Variants in MMS22L observed in about 807,000 individuals in gnomAD.
The protein encoded by MMS22L is MMS22 like, DNA repair protein.
Under a neutral mutation model 159.1 loss-of-function variants are expected in MMS22L, and 74 were observed. The observed-to-expected ratio is 0.47, with a 90% confidence interval of 0.39 to 0.56. The LOEUF is 0.56. MMS22L is among the 20% of genes least tolerant of loss of function. MMS22L has a pLI of 0.00. For synonymous variants in MMS22L, 517 were observed against 506.9 expected, an observed-to-expected ratio of 1.02 and a Z score of -0.27; for missense variants, 1,351 against 1,422.1, an observed-to-expected ratio of 0.95 and a Z score of 0.80.
chr6:97,214,804 T>G (rs1808809794), intron 14 of MMS22L, among the ~76,000 whole-genome samples: 1 of 151,336 alleles, frequency 6.6e-6, no homozygotes, highest in Non-Finnish European at 1.5e-5. Context: ...ATTTTTTACT[T>G]TATATTTTTA....
In MMS22L at chr6:97,162,180, A is replaced by T. The variant is rs756701791; in HGVS notation, c.3222-15T>A. ...GGTAGGATTTCCTGAAAAGAAGCAA[A>T]ATTTGTTTATTCTCTGCTTAAAGCT... On this transcript the variant is annotated splice_polypyrimidine_tract_variant and intron_variant, in intron 21 of 24. Coordinates refer to ENST00000683635, the MANE Select transcript of MMS22L (RefSeq NM_001350599.2). 1 of 1,583,614 alleles carries T rather than the reference A, an allele frequency of 6.3e-7. No individual in the cohort carries two copies. The highest frequency in any genetic ancestry group is 8.5e-7 in the Non-Finnish European group (1 of 1,170,588).
At position 97,233,741 on chromosome 6, in the gene MMS22L, G is replaced by GA. The variant is rs545379585; in HGVS notation, c.1302+119dup. 4.9e-4 allele frequency: 544 copies of GA among 1,112,250 alleles called. 3 individuals carry two copies. The Middle Eastern group carries it at 6.3e-3, about 13-fold the overall frequency. The allele number at this position is 1,112,250 out of a possible 1,614,324, so 68.9% of individuals were successfully genotyped here. On this transcript the variant is annotated intron_variant, in intron 12 of 24. Coordinates refer to ENST00000683635, the MANE Select transcript of MMS22L (RefSeq NM_001350599.2). The stretch of plus-strand genomic sequence containing the variant: ...TTCACGAGCTACTCCAATCTACTCT[G>GA]AAAAAAATTAACTTTTTAAGAAAAA...
At chr6:97,198,969 T>A (rs1290043484) in intron 14 of MMS22L, among the ~76,000 whole-genome samples, 1 of 152,096 alleles carries the variant, frequency 6.6e-6, no homozygotes, top group Non-Finnish European at 1.5e-5. Flanking sequence ...TAAGGTATTA[T>A]GTTTATGAAC....
chr6:97,228,973 T>G lies in MMS22L; in HGVS notation c.1960A>C (p.Ser654Arg). The G allele has an allele frequency of 6.2e-7, 1 of 1,614,150 alleles. No homozygotes were observed. Among genetic ancestry groups the G allele is most frequent in the South Asian group, 1.1e-5 (1 of 91,080 alleles). ...SHEKLLNDGF[S>R]MLLRACRESE... ...TCTCGACATGCTCGCAGAAGCATAC[T>G]AAATCCATCATTAAGCAGTTTTTCA... is the stretch of plus-strand genomic sequence containing the variant. The change falls in exon 14 of 25, where the codon AGT becomes CGT. Residue 654 changes from serine to arginine, a missense_variant. Coordinates refer to ENST00000683635, the MANE Select transcript of MMS22L (RefSeq NM_001350599.2).
rs971728462 is a variant in MMS22L at position 97,189,592 on chromosome 6, A to T, written c.2040-2902T>A. Among the ~76,000 whole-genome samples the T allele has an allele frequency of 1.6e-4, 22 of 140,944 alleles. No individual in the cohort carries two copies. The East Asian group carries it at 1.6e-3, about 10-fold the overall frequency. 92.5% of individuals were successfully genotyped at this position (140,944 alleles called of 152,430 possible). The stretch of plus-strand genomic sequence containing the variant: ...AAAAAAAAAAAAAGAATAATTAATT[A>T]AAAAAAAAAAACCATTGTGAGGTAA... On this transcript the variant is annotated intron_variant, in intron 14 of 24. Transcript: ENST00000683635.
intron 7 of MMS22L, 109 bp from the exon 8 acceptor site, chr6:97,268,111 AT>A (rs951897220): frequency 5.9e-4 from 454 of 766,718 alleles, no homozygotes; most frequent in South Asian, 9.2e-4. Flanking sequence ...ACAGTTTTTA[AT>A]TTTTTTTTGC....
intron 9 of MMS22L, among the ~76,000 whole-genome samples, chr6:97,256,787 CAA>C (rs964991350): frequency 2.0e-5 from 3 of 151,944 alleles, no homozygotes; most frequent in Non-Finnish European, 4.4e-5. Flanking sequence ...CCTGTCTCTA[CAA>C]AAAATAAATT....
chr6:97,151,997 C>A, intron 22 of MMS22L, 130 bp from the exon 23 acceptor site: 2 of 604,738 alleles, frequency 3.3e-6, no homozygotes, highest in Non-Finnish European at 5.6e-6. Flanking sequence ...TTCTATTTTT[C>A]AAAATGAAAT....
intron 15 of MMS22L, 145 bp from the exon 16 acceptor site, chr6:97,182,199 C>A: frequency 1.5e-6 from 1 of 653,040 alleles, no homozygotes; most frequent in Non-Finnish European, 2.5e-6. Flanking sequence ...GTAGAGCAAA[C>A]AAAAAGCTAA....
chr6:97,213,035 AG>A (rs1562464921), intron 14 of MMS22L, among the ~76,000 whole-genome samples: 3 of 152,136 alleles, frequency 2.0e-5, no homozygotes, highest in African/African-American at 7.2e-5. Flanking sequence ...ACAGTGCATG[AG>A]CACATTGTGT....
At chr6:97,150,905 G>A (rs1801255152) in intron 23 of MMS22L, among the ~76,000 whole-genome samples, 1 of 152,108 alleles carries the variant, frequency 6.6e-6, no homozygotes, top group South Asian at 2.1e-4. Context: ...ACTCTAAAGG[G>A]AACAAGACAG....
At chr6:97,151,149 C>T (rs540183248) in intron 23 of MMS22L, among the ~76,000 whole-genome samples, 1 of 152,288 alleles carries the variant, frequency 6.6e-6, no homozygotes, top group East Asian at 1.9e-4. Flanking sequence ...ACATTTCCCA[C>T]TTTACTCTCT....
chr6:97,189,520 T>G (rs1805627360), intron 14 of MMS22L, among the ~76,000 whole-genome samples: 1 of 118,720 alleles, frequency 8.4e-6, no homozygotes, highest in Non-Finnish European at 1.6e-5. Flanking sequence ...ACCACTGCAC[T>G]CCAGCCTGGG....
intron 22 of MMS22L, among the ~76,000 whole-genome samples, chr6:97,157,261 C>T (rs1382484768): frequency 6.6e-6 from 1 of 152,166 alleles, no homozygotes; most frequent in Non-Finnish European, 1.5e-5. Flanking sequence ...ATGTCATCTG[C>T]AAACAAAGAC....
chr6:97,236,479 T>C (rs1811424745), intron 11 of MMS22L, among the ~76,000 whole-genome samples: 1 of 152,144 alleles, frequency 6.6e-6, no homozygotes, highest in South Asian at 2.1e-4. Flanking sequence ...TGATTTTCTC[T>C]CACAATATTC....
intron 3 of MMS22L, among the ~76,000 whole-genome samples, chr6:97,280,279 T>C (rs1198634827): frequency 1.3e-5 from 2 of 152,164 alleles, no homozygotes; most frequent in Non-Finnish European, 2.9e-5. Context: ...TTACCTAAAA[T>C]CTGAATATGA....
intron 14 of MMS22L, among the ~76,000 whole-genome samples, chr6:97,193,588 A>G (rs1211946095): frequency 6.6e-6 from 1 of 152,200 alleles, no homozygotes; most frequent in Admixed American, 6.5e-5. Context: ...GTAGTTCCCA[A>G]TGTTGACTAC....
chr6:97,248,963 G>A (rs965897805), intron 10 of MMS22L, among the ~76,000 whole-genome samples: 1 of 152,020 alleles, frequency 6.6e-6, no homozygotes, highest in Non-Finnish European at 1.5e-5. Flanking sequence ...AGGGTCCTAT[G>A]GTCATACTGG....
intron 10 of MMS22L, 141 bp downstream of exon 10, chr6:97,254,416 A>T: frequency 1.6e-6 from 1 of 640,974 alleles, no homozygotes; most frequent in Non-Finnish European, 2.5e-6. Flanking sequence ...CAAGATGTTT[A>T]CAGAAACATT....
Sources: gnomAD v4.1 joint callset for allele counts (sites outside exome capture counted in the v4.1 genomes callset) on GRCh38, gnomAD v4.1.1 for gene constraint, MANE v1.5 for transcripts, NCBI Gene and HGNC (gene_info 2026-07-23, HGNC 2026-07-21) for gene names.